Variants in DENND4C observed in about 807,000 individuals in gnomAD.
DENND4C encodes the protein DENN domain containing 4C, also known as DENN domain-containing protein 4C.
DENND4C carries 108 observed loss-of-function variants against 203.0 expected under a neutral mutation model. The observed-to-expected ratio is 0.53, with a 90% CI of 0.46 to 0.62. The LOEUF (loss-of-function observed/expected upper bound fraction) is 0.62, where lower values mean the gene tolerates loss of function less well. Ranked by LOEUF, DENND4C falls within the 20% of genes least tolerant of loss-of-function variation. DENND4C has a pLI of 0.00. For missense variants in DENND4C, 2,481 were observed against 2,301.2 expected (o/e 1.08, Z -1.60); for synonymous variants, 871 against 792.4 (o/e 1.10, Z -1.67).
At chr9:19,273,125 TG>T (rs1474214381) in intron 1 of DENND4C, among the ~76,000 whole-genome samples, 1 of 151,778 alleles carries the variant, frequency 6.6e-6, no homozygotes, top group East Asian at 1.9e-4. Context: ...CTAATTTTGT[TG>T]TATTTTTAGT....
Position 19,335,071 on chromosome 9 carries a change from A to G in DENND4C, c.2555A>G (p.Lys852Arg). ...TTTGAAATGAAAACTGCTAGGATAAAGCCTAATGCTATTACTTATGGTTAT... is the reference window on the plus strand; with the variant it reads ...TTTGAAATGAAAACTGCTAGGATAAGGCCTAATGCTATTACTTATGGTTAT... ...VLFEMKTARIKPNAITYGYYN... is the reference protein window; with the variant it reads ...VLFEMKTARIRPNAITYGYYN... Residue 852 changes from lysine to arginine, a missense_variant, in exon 18 of 33, where the codon AAG becomes AGG. Lys to Arg is a conservative substitution (Grantham distance 26). Transcript: ENST00000434457. The G allele has an allele frequency of 6.2e-7, 1 of 1,610,966 alleles. No individual in the cohort carries two copies. The highest frequency in any genetic ancestry group is 1.7e-4 in the Middle Eastern group (1 of 6,048).
In DENND4C at chr9:19,341,112, A is replaced by C. The variant is rs937195161; in HGVS notation, c.3002A>C (p.Glu1001Ala). The C allele has an allele frequency of 3.1e-6, 5 of 1,609,792 alleles. No homozygotes were observed. Among genetic ancestry groups the C allele is most frequent in the Non-Finnish European group, 4.2e-6 (5 of 1,178,214 alleles). The change falls in exon 21 of 33, where the codon GAA (glutamate) becomes GCA (alanine). Residue 1001 changes from glutamate (E) to alanine (A), a missense_variant and splice_region_variant. Transcript: ENST00000434457. ...ATAACTAAAACAAAAATGCAAACAGAAGGTTAAGTACTGATATTTACGAAC... is the reference window on the plus strand; with the variant it reads ...ATAACTAAAACAAAAATGCAAACAGCAGGTTAAGTACTGATATTTACGAAC... ...ELITKTKMQT[E>A]EVCDASAIVA... is the part of the protein sequence containing the mutation.
At chr9:19,279,940 C>G (rs560621185) in intron 2 of DENND4C, among the ~76,000 whole-genome samples, 2 of 152,036 alleles carry the variant, frequency 1.3e-5, no homozygotes, top group African/African-American at 2.4e-5. Context: ...TTTAACCTTC[C>G]TCTCAGGGAA....
chr9:19,369,184 T>C (rs756335489), intron 30 of DENND4C, among the ~76,000 whole-genome samples: 3 of 152,148 alleles, frequency 2.0e-5, no homozygotes, highest in Non-Finnish European at 2.9e-5. Context: ...AAAAAAGTTA[T>C]GTACTAGACA....
At chr9:19,291,529 C>T (rs1020237932) in intron 5 of DENND4C, 1 of 152,132 alleles carries the variant, frequency 6.6e-6, no homozygotes, top group African/African-American at 2.4e-5. Context: ...CATAGCACAA[C>T]TCCGTCTCTA....
intron 21 of DENND4C, among the ~76,000 whole-genome samples, chr9:19,341,345 C>A (rs1172551800): frequency 7.2e-6 from 1 of 139,318 alleles, no homozygotes; most frequent in African/African-American, 2.7e-5. Context: ...CAGGGTCTTG[C>A]TCTCTCGCCC....
chr9:19,257,555 C>G (rs1828297841), intron 1 of DENND4C, among the ~76,000 whole-genome samples: 1 of 151,630 alleles, frequency 6.6e-6, no homozygotes, highest in South Asian at 2.1e-4. Context: ...TAATAAAGAT[C>G]AAAGTAAAAT....
At position 19,328,088 on chromosome 9, in the gene DENND4C, C is replaced by G. The variant is rs1423418670; in HGVS notation, c.2179C>G (p.Leu727Val). Residue 727 changes from leucine to valine, a missense_variant, in exon 16 of 33, where the codon CTT becomes GTT. Coordinates refer to ENST00000434457, the MANE Select transcript of DENND4C (RefSeq NM_001330640.2). ...TTTTGACAGACCGCAGGAGTTGAAACTTTGTTTTAGTAGACACCCTACTGG... is the reference window on the plus strand; with the variant it reads ...TTTTGACAGACCGCAGGAGTTGAAAGTTTGTTTTAGTAGACACCCTACTGG... ...KLFDRPQELK[L>V]CFSRHPTGNS... 9 of 1,613,388 alleles carry G rather than the reference C, an allele frequency of 5.6e-6. No homozygotes were observed. In the African/African-American group the frequency reaches 9.4e-5, roughly 17 times the overall value.
intron 10 of DENND4C, among the ~76,000 whole-genome samples, chr9:19,313,661 G>A (rs1463292793): frequency 6.6e-6 from 1 of 152,188 alleles, no homozygotes; most frequent in African/African-American, 2.4e-5. Flanking sequence ...CCAGACACAA[G>A]GGAAGTGTTA....
intron 17 of DENND4C, 72 bp downstream of exon 17, chr9:19,332,256 A>T: frequency 2.9e-6 from 4 of 1,398,072 alleles, no homozygotes; most frequent in Non-Finnish European, 4.0e-6. Context: ...TTTGGGTGTA[A>T]GTTGCTTTAA....
At chr9:19,357,453 A>T (rs1385088096) in intron 27 of DENND4C, 3 of 322,606 alleles carry the variant, frequency 9.3e-6, no homozygotes, top group Non-Finnish European at 1.7e-5. Flanking sequence ...TCTTTCTGTG[A>T]AATGTACACT....
chr9:19,294,379 TTA>T (rs1836992430), intron 5 of DENND4C, among the ~76,000 whole-genome samples: 1 of 152,126 alleles, frequency 6.6e-6, no homozygotes, highest in Non-Finnish European at 1.5e-5. Flanking sequence ...AGTGTCAGCT[TTA>T]TCTTGTGTCA....
chr9:19,315,272 T>C lies in DENND4C; in HGVS notation c.1488-1145T>C, dbSNP rs1316908442. Among the ~76,000 whole-genome samples the C allele has an allele frequency of 3.9e-5, 6 of 152,020 alleles. 1 individual carries two copies. The highest frequency in any genetic ancestry group is 1.4e-4 in the African/African-American group (6 of 41,400). On this transcript the variant is annotated intron_variant, in intron 10 of 32. Coordinates refer to ENST00000434457, the MANE Select transcript of DENND4C (RefSeq NM_001330640.2). ...GTGAGACTGAAACTATGTGTCCTGTTCTGTGAGAAGCCTTTAAAATCCAAG... is the reference window on the plus strand; with the variant it reads ...GTGAGACTGAAACTATGTGTCCTGTCCTGTGAGAAGCCTTTAAAATCCAAG...
intron 31 of DENND4C, 97 bp from the exon 32 acceptor site, chr9:19,371,659 C>T (rs1828853842): frequency 1.5e-6 from 1 of 648,520 alleles, no homozygotes; most frequent in African/African-American, 1.9e-5. Context: ...TTACTATTAA[C>T]TAGATGACAG....
At chr9:19,319,497 C>T (rs1211717968) in intron 12 of DENND4C, among the ~76,000 whole-genome samples, 1 of 145,738 alleles carries the variant, frequency 6.9e-6, no homozygotes, top group Non-Finnish European at 1.5e-5. Context: ...CTCATGACAG[C>T]ACATTTGGGA....
At position 19,231,335 on chromosome 9, in the gene DENND4C, C is replaced by T. The variant is rs367548329; in HGVS notation, c.-18+502C>T. On this transcript the variant is annotated intron_variant, in intron 1 of 32. Transcript: ENST00000434457. Reference sequence around the variant, plus strand: ...CGGGGACAACGGGGAGGAGGGGGACCTGGGCAGGTGTCTCTGGTGAATTGA... The same window carrying T: ...CGGGGACAACGGGGAGGAGGGGGACTTGGGCAGGTGTCTCTGGTGAATTGA... Among the ~76,000 whole-genome samples, 22 of 152,158 alleles carry T rather than the reference C, an allele frequency of 1.4e-4. 2 individuals are homozygous for T. Among genetic ancestry groups the T allele is most frequent in the Admixed American group, 3.9e-4 (6 of 15,276 alleles).
At chr9:19,342,517 A>G (rs1020612244) in intron 21 of DENND4C, 116 bp from the exon 22 acceptor site, 26 of 1,127,412 alleles carry the variant, frequency 2.3e-5, no homozygotes, top group East Asian at 2.7e-5. Context: ...TGTCTAAAGT[A>G]AAATAGACAC....
chr9:19,336,447 C>A (rs1029631731), intron 19 of DENND4C, 33 bp downstream of exon 19: 1 of 1,594,346 alleles, frequency 6.3e-7, no homozygotes, highest in Non-Finnish European at 8.5e-7. Flanking sequence ...TAATTCCTTA[C>A]TGAACCATGA....
intron 2 of DENND4C, among the ~76,000 whole-genome samples, chr9:19,282,614 C>T (rs1335720277): frequency 6.7e-6 from 1 of 149,720 alleles, no homozygotes; most frequent in Admixed American, 6.7e-5. Flanking sequence ...TGGCATTGCA[C>T]TCCTAGGCTC....
Sources: gnomAD v4.1 joint callset for allele counts (sites outside exome capture counted in the v4.1 genomes callset) on GRCh38, gnomAD v4.1.1 for gene constraint, MANE v1.5 for transcripts, NCBI Gene and HGNC (gene_info 2026-07-23, HGNC 2026-07-21) for gene names.